The following POP4 variants were observed in gnomAD, a reference collection of about 807,000 sequenced individuals.
POP4 encodes POP4 ribonuclease P/MRP subunit, also known as ribonuclease P protein subunit p29.
In POP4, 31 loss-of-function variants were observed where a neutral mutation model predicts 29.9. That is an observed-to-expected ratio of 1.04 (90% CI 0.78 to 1.40). POP4 has a LOEUF of 1.40. Ranked by LOEUF, POP4 falls within the 40% of genes most tolerant of loss-of-function variation. The pLI is 0.00. For synonymous variants in POP4, 110 were observed against 108.2 expected (o/e 1.02, Z -0.10); for missense variants, 286 against 282.7 (o/e 1.01, Z -0.08).
intron 5 of POP4, among the ~76,000 whole-genome samples, chr19:29,612,544 C>T (rs1004053520): frequency 3.3e-5 from 5 of 152,170 alleles, no homozygotes; most frequent in Admixed American, 6.5e-5. Flanking sequence ...TGACAGCCCC[C>T]AAGGTGACAT....
At chr19:29,610,993 G>A (rs1310410469) in intron 3 of POP4, 3 of 229,202 alleles carry the variant, frequency 1.3e-5, no homozygotes, top group Admixed American at 5.3e-5. Context: ...TCACCCACTC[G>A]GGTTTCATTG....
intron 5 of POP4, 105 bp downstream of exon 5, chr19:29,612,283 G>A: frequency 1.8e-6 from 2 of 1,116,634 alleles, no homozygotes; most frequent in South Asian, 1.6e-5. Flanking sequence ...TTTACCGTGT[G>A]GATTCCCTGA....
At chr19:29,608,881 C>A (rs1158501554) in intron 2 of POP4, 172 bp downstream of exon 2, 1 of 584,568 alleles carries the variant, frequency 1.7e-6, no homozygotes, top group Non-Finnish European at 3.0e-6. Context: ...CCTGTTCCCA[C>A]GTGCCAGCCT....
intron 1 of POP4, among the ~76,000 whole-genome samples, chr19:29,608,268 T>TC (rs919340617): frequency 7.4e-6 from 1 of 134,756 alleles, no homozygotes; most frequent in African/African-American, 2.8e-5. Flanking sequence ...TTTTCTTTTT[T>TC]TTTTTTTTTT....
Position 29,615,552 on chromosome 19 carries a change from G to A in POP4, c.*172G>A, listed in dbSNP as rs1971121030. ...ACATGGGAAGGTCGCAGCGTACTAA[G>A]TGAAGAAGTCAGAGGACAGAGGAAT... On this transcript the variant is annotated 3_prime_UTR_variant, in exon 7 of 7. Transcript: ENST00000585603. 6.5e-6 allele frequency: 4 copies of A among 615,184 alleles called. No individual in the cohort carries two copies. The highest frequency in any genetic ancestry group is 7.9e-6 in the Non-Finnish European group (3 of 379,056). 38.1% of individuals were successfully genotyped at this position (615,184 alleles called of 1,614,324 possible).
rs776877566 is a variant in POP4 at position 29,606,338 on chromosome 19, G to C, written c.7+13G>C. 1 of 1,605,112 alleles carries C rather than the reference G, an allele frequency of 6.2e-7. No individual in the cohort carries two copies. On this transcript the variant is annotated intron_variant, in intron 1 of 6. Coordinates refer to ENST00000585603, the MANE Select transcript of POP4 (RefSeq NM_006627.3). The stretch of plus-strand genomic sequence containing the variant: ...CCGAGAATGAAGAGTAAGCGGGGCC[G>C]CGAAGTTGGAGAGGGTTGGGGACGT...
chr19:29,610,363 G>C (rs772751258), intron 2 of POP4, 46 bp from the exon 3 acceptor site: 1 of 1,496,178 alleles, frequency 6.7e-7, no homozygotes, highest in South Asian at 1.3e-5. Flanking sequence ...ATCCTGGGCT[G>C]CCCAGACCGG....
intron 1 of POP4, among the ~76,000 whole-genome samples, chr19:29,607,480 CT>C (rs1971013397): frequency 6.8e-6 from 1 of 147,926 alleles, no homozygotes; most frequent in African/African-American, 2.5e-5. Context: ...AAAAAAAAAA[CT>C]TGTAACCACC....
rs138287466 is a variant in POP4 at position 29,614,079 on chromosome 19, G to A, written c.526+107G>A. 1.5e-4 allele frequency: 217 copies of A among 1,472,880 alleles called. 1 individual carries two copies. In the African/African-American group the frequency reaches 2.5e-3, roughly 17 times the overall value. 91.2% of individuals were successfully genotyped at this position (1,472,880 alleles called of 1,614,324 possible). On this transcript the variant is annotated intron_variant, in intron 6 of 6. Coordinates refer to ENST00000585603, the MANE Select transcript of POP4 (RefSeq NM_006627.3). The stretch of plus-strand genomic sequence containing the variant: ...GTTTGATTTGACCCCTCAAGTCAGC[G>A]CAGATTGCAGATACTTGCTGAACCT...
chr19:29,614,360 T>G (rs1197638140), intron 6 of POP4, among the ~76,000 whole-genome samples: 2 of 152,242 alleles, frequency 1.3e-5, no homozygotes, highest in African/African-American at 4.8e-5. Context: ...AGTTCTGAGC[T>G]GTGTCCTTGG....
At chr19:29,609,477 A>T (rs1971040090) in intron 2 of POP4, among the ~76,000 whole-genome samples, 1 of 152,218 alleles carries the variant, frequency 6.6e-6, no homozygotes, top group African/African-American at 2.4e-5. Flanking sequence ...GTGCAAAAAG[A>T]GCTCAGGAAA....
rs1199259305 is a variant in POP4 at position 29,617,107 on chromosome 19, C to T, written c.*1727C>T. 3 of 152,344 alleles carry T rather than the reference C, an allele frequency of 2.0e-5. No homozygotes were observed. The highest frequency in any genetic ancestry group is 4.4e-5 in the Non-Finnish European group (3 of 68,050). 9.4% of individuals were successfully genotyped at this position (152,344 alleles called of 1,614,324 possible). A position where few individuals can be genotyped will look rare whatever the true frequency, so the allele number is the denominator to read the frequency against. On this transcript the variant is annotated 3_prime_UTR_variant, in exon 7 of 7. Coordinates refer to ENST00000585603, the MANE Select transcript of POP4 (RefSeq NM_006627.3). ...GAGTGGGAAGTGGCATCTATTCCCCCAGCCATCTGAAAATGCTGTGTTCAT... is the reference window on the plus strand; with the variant it reads ...GAGTGGGAAGTGGCATCTATTCCCCTAGCCATCTGAAAATGCTGTGTTCAT...
rs552294369 is a variant in POP4 at position 29,614,105 on chromosome 19, G to T, written c.526+133G>T. ...CAGATTGCAGATACTTGCTGAACCT[G>T]CATTAAAGCCTGCAGAGACCATCCC... On this transcript the variant is annotated intron_variant, in intron 6 of 6. Coordinates refer to ENST00000585603, the MANE Select transcript of POP4 (RefSeq NM_006627.3). 6.9e-6 allele frequency: 10 copies of T among 1,440,956 alleles called. 1 individual carries two copies. The highest frequency in any genetic ancestry group is 3.0e-5 in the South Asian group (2 of 67,276). 89.3% of individuals were successfully genotyped at this position (1,440,956 alleles called of 1,614,324 possible). A position where few individuals can be genotyped will look rare whatever the true frequency, so the allele number is the denominator to read the frequency against.
At chr19:29,611,790 C>T (rs1971071894) in intron 3 of POP4, 72 bp from the exon 4 acceptor site, 4 of 1,290,656 alleles carry the variant, frequency 3.1e-6, no homozygotes, top group Non-Finnish European at 3.4e-6. Flanking sequence ...AAGTCAAGCT[C>T]TGTGCTATTT....
At position 29,615,458 on chromosome 19, in the gene POP4, G is replaced by C. The variant is rs1048088205; in HGVS notation, c.*78G>C. 3 of 1,519,808 alleles carry C rather than the reference G, an allele frequency of 2.0e-6. No individual in the cohort carries two copies. The highest frequency in any genetic ancestry group is 2.8e-5 in the African/African-American group (2 of 72,532). 94.1% of individuals were successfully genotyped at this position (1,519,808 alleles called of 1,614,324 possible). ...CTAAATGTCCACCTTTCAGTGAAGA[G>C]ATAGTTAAGCCAATTCCATTTATAG... On this transcript the variant is annotated 3_prime_UTR_variant, in exon 7 of 7. Transcript: ENST00000585603.
At chr19:29,612,244 C>A in intron 5 of POP4, 66 bp downstream of exon 5, 1 of 1,460,666 alleles carries the variant, frequency 6.8e-7, no homozygotes, top group Non-Finnish European at 9.3e-7. Flanking sequence ...CTGTGGAGAC[C>A]CAGGGCGTGT....
intron 5 of POP4, 125 bp from the exon 6 acceptor site, chr19:29,613,746 G>A: frequency 1.4e-6 from 2 of 1,424,086 alleles, no homozygotes; most frequent in Non-Finnish European, 1.9e-6. Flanking sequence ...CCCCCTGGGT[G>A]CTCTGTTCTT....
In POP4 at chr19:29,615,490, T is replaced by C. The variant is rs546985925; in HGVS notation, c.*110T>C. 3.1e-5 allele frequency: 38 copies of C among 1,214,698 alleles called. No homozygotes were observed. Among genetic ancestry groups the C allele is most frequent in the East Asian group, 4.9e-5 (2 of 40,734 alleles). 75.2% of individuals were successfully genotyped at this position (1,214,698 alleles called of 1,614,324 possible). On this transcript the variant is annotated 3_prime_UTR_variant, in exon 7 of 7. Transcript: ENST00000585603. ...AAGCCAATTCCATTTATAGACCACC[T>C]CCAGCCAGTGACGCTCCGAGTTGAG...
intron 2 of POP4, chr19:29,609,299 G>A (rs1349001180): frequency 6.6e-6 from 1 of 152,442 alleles, no homozygotes; most frequent in Non-Finnish European, 1.5e-5. Flanking sequence ...GCATCTACAG[G>A]TGCAAAGCTG....
Sources: allele counts gnomAD v4.1 joint callset (sites outside exome capture counted in the v4.1 genomes callset), GRCh38; gene constraint gnomAD v4.1.1; transcripts MANE v1.5; gene names NCBI Gene and HGNC (gene_info 2026-07-23, HGNC 2026-07-21).